The following SUGCT variants were observed in gnomAD, a reference collection of about 807,000 sequenced individuals.
SUGCT encodes the protein succinyl-CoA:glutarate-CoA transferase.
In SUGCT, 41 loss-of-function variants were observed where a neutral mutation model predicts 55.0. The observed-to-expected ratio is 0.74, with a 90% CI of 0.58 to 0.97. The LOEUF is 0.97. Among genes scored for constraint, SUGCT ranks in the 50% least tolerant of loss-of-function variants. SUGCT has a pLI of 0.00. For missense variants in SUGCT, 568 were observed against 547.8 expected, an observed-to-expected ratio of 1.04 and a Z score of -0.37; for synonymous variants, 187 against 200.4, an observed-to-expected ratio of 0.93 and a Z score of 0.56.
At chr7:40,351,395 T>C (rs1025481830) in intron 9 of SUGCT, among the ~76,000 whole-genome samples, 1 of 152,090 alleles carries the variant, frequency 6.6e-6, no homozygotes, top group African/African-American at 2.4e-5. Flanking sequence ...TAAATTATTT[T>C]ATATTTTTAT....
the SUGCT span, among the ~76,000 whole-genome samples, chr7:41,001,414 A>T: frequency 6.6e-6 from 1 of 152,198 alleles, no homozygotes; most frequent in Non-Finnish European, 1.5e-5. Context: ...TCTTGTTGGA[A>T]TGAGTTGTGG....
intron 9 of SUGCT, among the ~76,000 whole-genome samples, chr7:40,324,313 T>G (rs1258805645): frequency 6.7e-6 from 1 of 150,146 alleles, no homozygotes; most frequent in Non-Finnish European, 1.5e-5. Context: ...TGGAGTGCAG[T>G]GGCGCAATCT....
At chr7:40,501,684 A>G (rs1454994368) in intron 12 of SUGCT, among the ~76,000 whole-genome samples, 1 of 152,008 alleles carries the variant, frequency 6.6e-6, no homozygotes, top group Non-Finnish European at 1.5e-5. Context: ...CACTATGTGT[A>G]TGGTCTTGTG....
chr7:40,637,711 C>G (rs1016047487), intron 12 of SUGCT, among the ~76,000 whole-genome samples: 1 of 152,152 alleles, frequency 6.6e-6, no homozygotes, highest in Non-Finnish European at 1.5e-5. Context: ...GTATTTACCT[C>G]TCTTGTTTCT....
the SUGCT span, among the ~76,000 whole-genome samples, chr7:40,927,158 T>C: frequency 3.6e-3 from 543 of 152,348 alleles, 1 homozygote; most frequent in African/African-American, 0.012. Flanking sequence ...GTCTAAGATA[T>C]GCAAAGGAAA....
At chr7:40,914,260 A>ATTTTTTTC in the SUGCT span, among the ~76,000 whole-genome samples, 4 of 67,676 alleles carry the variant, frequency 5.9e-5, no homozygotes, top group African/African-American at 3.6e-4. Context: ...CATTTTATTT[A>ATTTTTTTC]TTTATTTTTT....
intron 12 of SUGCT, among the ~76,000 whole-genome samples, chr7:40,602,782 T>C (rs958596341): frequency 2.0e-5 from 3 of 152,186 alleles, no homozygotes; most frequent in African/African-American, 7.2e-5. Flanking sequence ...TTCTAATCAT[T>C]TCTAGGTGTA....
rs1163113038 is a variant in SUGCT at position 40,245,430 on chromosome 7, T to TA, written c.576+7704_576+7705insA. ...ATATATATATATATATATATTTTTT[T>TA]TTTTTTTTTTTTTTTTTTTTTTTTT... On this transcript the variant is annotated intron_variant, in intron 7 of 13. Coordinates refer to ENST00000335693, the MANE Select transcript of SUGCT (RefSeq NM_001193313.2). Among the ~76,000 whole-genome samples the TA allele has an allele frequency of 4.0e-3, 153 of 38,348 alleles. 17 individuals are homozygous for TA. Among genetic ancestry groups the TA allele is most frequent in the South Asian group, 0.018 (13 of 726 alleles). 25.2% of individuals were successfully genotyped at this position (38,348 alleles called of 152,430 possible).
downstream of SUGCT, among the ~76,000 whole-genome samples, chr7:40,861,883 T>C (rs1405759436): frequency 6.6e-6 from 1 of 152,218 alleles, no homozygotes; most frequent in African/African-American, 2.4e-5. Flanking sequence ...CAAGGGTAAT[T>C]GGATGCCTTC....
chr7:40,218,939 G>A (rs1212188151), intron 6 of SUGCT, among the ~76,000 whole-genome samples: 4 of 152,154 alleles, frequency 2.6e-5, no homozygotes, highest in Admixed American at 1.3e-4. Flanking sequence ...GAAATCCGTT[G>A]GGGTCCCCTT....
chr7:40,801,931 A>G (rs1033867382), intron 13 of SUGCT, among the ~76,000 whole-genome samples: 2 of 152,122 alleles, frequency 1.3e-5, no homozygotes, highest in African/African-American at 2.4e-5. Context: ...AAGAAAAAAA[A>G]TCTGCATCTA....
chr7:40,967,645 G>A, the SUGCT span, among the ~76,000 whole-genome samples: 1 of 148,932 alleles, frequency 6.7e-6, no homozygotes, highest in African/African-American at 2.5e-5. Context: ...TTTTGAGAAG[G>A]AGTCTTGCTC....
intron 9 of SUGCT, among the ~76,000 whole-genome samples, chr7:40,350,932 C>T (rs935290525): frequency 3.3e-5 from 5 of 151,962 alleles, no homozygotes; most frequent in African/African-American, 1.2e-4. Context: ...ATGATGGGTT[C>T]CAGTTTCATC....
intron 12 of SUGCT, chr7:40,539,709 T>C (rs577513892): frequency 6.6e-6 from 1 of 152,288 alleles, no homozygotes; most frequent in South Asian, 2.1e-4. Context: ...AAGGTGGAAA[T>C]CTCTTAATGA....
the SUGCT span, among the ~76,000 whole-genome samples, chr7:40,954,468 G>A: frequency 6.6e-6 from 1 of 152,168 alleles, no homozygotes; most frequent in Non-Finnish European, 1.5e-5. Context: ...CCTGCACCCA[G>A]TGTCTGACAA....
At chr7:40,200,661 G>A (rs548785436) in intron 6 of SUGCT, among the ~76,000 whole-genome samples, 1 of 152,220 alleles carries the variant, frequency 6.6e-6, no homozygotes, top group African/African-American at 2.4e-5. Flanking sequence ...CAGGGGCCAT[G>A]ACATGCTAGG....
intron 13 of SUGCT, among the ~76,000 whole-genome samples, chr7:40,757,900 T>C (rs974973890): frequency 6.6e-6 from 1 of 152,188 alleles, no homozygotes; most frequent in African/African-American, 2.4e-5. Flanking sequence ...CAAAAAAGTC[T>C]TTCTGGATCA....
intron 12 of SUGCT, among the ~76,000 whole-genome samples, chr7:40,508,482 G>A (rs1792734565): frequency 1.3e-5 from 2 of 152,170 alleles, no homozygotes; most frequent in Admixed American, 6.5e-5. Flanking sequence ...AGGTGGAGAG[G>A]AAGCCCTCCT....
chr7:40,749,465 A>C lies in SUGCT; in HGVS notation c.1121A>C (p.Glu374Ala). The change falls in exon 13 of 14, where the codon GAG becomes GCG. Residue 374 changes from glutamate (E) to alanine (A), a missense_variant. Transcript: ENST00000335693. ...VLHNGLVMEM[E>A]HPTVGKISVP... is the part of the protein sequence containing the mutation. ...CACAATGGCCTCGTTATGGAGATGG[A>C]GCATCCAACTGTGGGGAAGATTTCC... 6.2e-7 allele frequency: 1 copy of C among 1,613,708 alleles called. No individual in the cohort carries two copies. The highest frequency in any genetic ancestry group is 8.5e-7 in the Non-Finnish European group (1 of 1,179,720).
Sources: allele counts gnomAD v4.1 joint callset (sites outside exome capture counted in the v4.1 genomes callset), GRCh38; gene constraint gnomAD v4.1.1; transcripts MANE v1.5; gene names NCBI Gene and HGNC (gene_info 2026-07-23, HGNC 2026-07-21).